UTRN: variants seen among roughly 807,000 people sequenced by gnomAD.
The protein encoded by UTRN is utrophin, also known as dystrophin-related protein 1.
UTRN carries 283 observed loss-of-function variants against 463.9 expected under a neutral mutation model. The ratio of observed to expected loss-of-function variants is 0.61; its 90% CI spans 0.55 to 0.67. The LOEUF (loss-of-function observed/expected upper bound fraction) is 0.67. Among genes scored for constraint, UTRN ranks in the 30% least tolerant of loss-of-function variants. The pLI is 0.00. For synonymous variants in UTRN, 1,442 were observed against 1,431.5 expected (o/e 1.01, Z -0.17); for missense variants, 3,922 against 4,084.3 (o/e 0.96, Z 1.08).
At position 144,632,548 on chromosome 6, in the gene UTRN, G is replaced by A. The variant is rs532130572; in HGVS notation, c.7480-45858G>A. Among the ~76,000 whole-genome samples the A allele has an allele frequency of 1.1e-4, 16 of 152,096 alleles. 1 individual carries two copies. In the South Asian group the frequency reaches 3.3e-3, roughly 32 times the overall value. ...AATTGTCTTTCTTGACAGCAGAGAT[G>A]TACAATTTTGTAAAATATTGTCCTC... is the stretch of plus-strand genomic sequence containing the variant. On this transcript the variant is annotated intron_variant, in intron 51 of 74. Coordinates refer to ENST00000367545, the MANE Select transcript of UTRN (RefSeq NM_007124.3).
intron 65 of UTRN, among the ~76,000 whole-genome samples, chr6:144,815,249 A>G (rs1778975132): frequency 6.6e-6 from 1 of 152,238 alleles, no homozygotes; most frequent in Non-Finnish European, 1.5e-5. Context: ...ACAGTAAAAT[A>G]TTTATCCTGA....
At chr6:144,413,771 G>T (rs1262385807) in intron 3 of UTRN, among the ~76,000 whole-genome samples, 1 of 151,956 alleles carries the variant, frequency 6.6e-6, no homozygotes, top group African/African-American at 2.4e-5. Flanking sequence ...TGTGTTACTG[G>T]CTTATGTATT....
intron 3 of UTRN, among the ~76,000 whole-genome samples, chr6:144,415,290 A>G (rs1784271847): frequency 6.6e-6 from 1 of 152,150 alleles, no homozygotes; most frequent in African/African-American, 2.4e-5. Flanking sequence ...TCATGACTGT[A>G]TTTGGAATCT....
chr6:144,408,882 G>A (rs1041578491), intron 3 of UTRN, among the ~76,000 whole-genome samples: 9 of 152,170 alleles, frequency 5.9e-5, no homozygotes, highest in African/African-American at 2.2e-4. Flanking sequence ...CTTCTCTTTA[G>A]TACTGTAAAG....
intron 6 of UTRN, among the ~76,000 whole-genome samples, chr6:144,425,835 A>C (rs1785247291): frequency 3.9e-5 from 6 of 152,192 alleles, no homozygotes; most frequent in Admixed American, 3.9e-4. Flanking sequence ...AATACTATAA[A>C]ATGTTAGTTC....
chr6:144,664,081 G>A (rs1442693123), intron 51 of UTRN, among the ~76,000 whole-genome samples: 1 of 152,190 alleles, frequency 6.6e-6, no homozygotes, highest in Non-Finnish European at 1.5e-5. Flanking sequence ...AATTATAAGA[G>A]TAATGATAGC....
At chr6:144,714,734 A>G (rs1409745109) in intron 53 of UTRN, among the ~76,000 whole-genome samples, 1 of 152,224 alleles carries the variant, frequency 6.6e-6, no homozygotes, top group Non-Finnish European at 1.5e-5. Flanking sequence ...TCCTTAGGTA[A>G]GGAAGCCATC....
chr6:144,590,321 T>C (rs1802902224), intron 51 of UTRN, among the ~76,000 whole-genome samples: 1 of 152,216 alleles, frequency 6.6e-6, no homozygotes, highest in South Asian at 2.1e-4. Context: ...TTTCCATCCA[T>C]ATTAAAATAG....
rs115645886 is a variant in UTRN, at chr6:144,571,315, A to C, written c.7290-5784A>C. Reference sequence around the variant, plus strand: ...AACAACTACTCAAATTCTAGTGGGTAACTTCTAAATTTTAAAAATTAAAAT... The same window carrying C: ...AACAACTACTCAAATTCTAGTGGGTCACTTCTAAATTTTAAAAATTAAAAT... On this transcript the variant is annotated intron_variant, in intron 50 of 74. Transcript: ENST00000367545. Among the ~76,000 whole-genome samples the C allele has an allele frequency of 3.7e-3, 570 of 152,302 alleles. 1 individual carries two copies. The highest frequency in any genetic ancestry group is 0.013 in the African/African-American group (553 of 41,578).
intron 9 of UTRN, among the ~76,000 whole-genome samples, chr6:144,429,992 T>C (rs1017196542): frequency 7.2e-5 from 11 of 152,222 alleles, no homozygotes; most frequent in Admixed American, 1.3e-4. Flanking sequence ...CTGTTGCTCA[T>C]GCTGCTGCAT....
intron 65 of UTRN, among the ~76,000 whole-genome samples, chr6:144,807,500 T>C (rs150565302): frequency 1.3e-5 from 2 of 152,240 alleles, no homozygotes; most frequent in East Asian, 3.9e-4. Context: ...TCCAAATTTG[T>C]ACATTTAAGA....
At chr6:144,833,690 C>T (rs1442536883) in intron 69 of UTRN, among the ~76,000 whole-genome samples, 2 of 152,178 alleles carry the variant, frequency 1.3e-5, no homozygotes, top group Non-Finnish European at 2.9e-5. Context: ...TGTTTTATCA[C>T]CTCTCTCTTC....
At chr6:144,704,729 T>C (rs1171090603) in intron 53 of UTRN, among the ~76,000 whole-genome samples, 1 of 152,102 alleles carries the variant, frequency 6.6e-6, no homozygotes, top group Non-Finnish European at 1.5e-5. Flanking sequence ...TTTGGGAGGC[T>C]AAGGCAGGCG....
In UTRN at chr6:144,452,779, T is replaced by TA. The variant is rs75475432; in HGVS notation, c.2197-988dup. On this transcript the variant is annotated intron_variant, in intron 18 of 74. Coordinates refer to ENST00000367545, the MANE Select transcript of UTRN (RefSeq NM_007124.3). The stretch of plus-strand genomic sequence containing the variant: ...GGGAGACCCCCGTCTCTACAAAAAG[T>TA]AAAAAAAAAAAAAAATTTGTGGGGC... Among the ~76,000 whole-genome samples, 700 of 135,056 alleles carry TA rather than the reference T, an allele frequency of 5.2e-3. 4 individuals carry two copies. Among genetic ancestry groups the TA allele is most frequent in the East Asian group, 0.012 (56 of 4,656 alleles). 88.6% of individuals were successfully genotyped at this position (135,056 alleles called of 152,430 possible).
chr6:144,653,038 AAC>A (rs67220750), intron 51 of UTRN, among the ~76,000 whole-genome samples: 17,009 of 152,226 alleles, frequency 0.11, 1,475 homozygotes, highest in East Asian at 0.51. Flanking sequence ...TGAAAATAGA[AAC>A]ACAGGCTGTG....
chr6:144,781,006 T>G (rs776115668), intron 60 of UTRN, among the ~76,000 whole-genome samples: 1 of 152,208 alleles, frequency 6.6e-6, no homozygotes, highest in African/African-American at 2.4e-5. Flanking sequence ...TAGCAGAAAT[T>G]TGCGTATTCC....
chr6:144,295,170 A>G (rs1423896018), intron 2 of UTRN, among the ~76,000 whole-genome samples: 2 of 152,256 alleles, frequency 1.3e-5, no homozygotes. Flanking sequence ...ATTTATTGCC[A>G]GTAGAGTGTG....
chr6:144,324,946 G>C (rs1775884933), intron 2 of UTRN, among the ~76,000 whole-genome samples: 1 of 152,186 alleles, frequency 6.6e-6, no homozygotes, highest in South Asian at 2.1e-4. Flanking sequence ...TGAAAACTGA[G>C]AGTTTGGTTG....
chr6:144,753,700 CAAAAAAAA>C (rs559496930), intron 56 of UTRN, among the ~76,000 whole-genome samples: 2 of 107,492 alleles, frequency 1.9e-5, no homozygotes, highest in South Asian at 5.7e-4. Flanking sequence ...TTGTCTCTAC[CAAAAAAAA>C]AAAAAAAAAT....
Sources: allele counts gnomAD v4.1 joint callset (sites outside exome capture counted in the v4.1 genomes callset), GRCh38; gene constraint gnomAD v4.1.1; transcripts MANE v1.5; gene names NCBI Gene and HGNC (gene_info 2026-07-23, HGNC 2026-07-21).